The following KAZN variants were observed in gnomAD, a reference collection of about 807,000 sequenced individuals.
KAZN encodes the protein kazrin, periplakin interacting protein.
Under a neutral mutation model 87.4 loss-of-function variants are expected in KAZN, and 40 were observed. The observed-to-expected ratio is 0.46, with a 90% CI of 0.36 to 0.60. KAZN has a LOEUF of 0.60. KAZN is among the 20% of genes least tolerant of loss of function. KAZN has a pLI of 0.00. For synonymous variants in KAZN, 466 were observed against 458.3 expected (o/e 1.02, Z -0.22); for missense variants, 898 against 1,073.9 (o/e 0.84, Z 2.29).
At chr1:14,447,591 T>A (rs1667058165) in intron 2 of KAZN, among the ~76,000 whole-genome samples, 1 of 152,082 alleles carries the variant, frequency 6.6e-6, no homozygotes, top group East Asian at 1.9e-4. Flanking sequence ...GCAATGTCCA[T>A]CCTCTGCTTC....
At chr1:13,941,874 T>C (rs1012180134) in intron 1 of KAZN, among the ~76,000 whole-genome samples, 26 of 152,154 alleles carry the variant, frequency 1.7e-4, no homozygotes, top group African/African-American at 6.0e-4. Context: ...AATCCAATGA[T>C]GTTAGTCCAA....
At chr1:14,544,480 C>A (rs1190983512) in intron 2 of KAZN, among the ~76,000 whole-genome samples, 1 of 150,194 alleles carries the variant, frequency 6.7e-6, no homozygotes, top group African/African-American at 2.5e-5. Flanking sequence ...TAAAGATATG[C>A]AAAGGAGAAA....
At chr1:14,264,014 T>G (rs1651282512) in intron 2 of KAZN, among the ~76,000 whole-genome samples, 1 of 152,252 alleles carries the variant, frequency 6.6e-6, no homozygotes, top group Non-Finnish European at 1.5e-5. Flanking sequence ...TTTTTATTTT[T>G]AGTTTGCTGC....
chr1:14,859,522 G>A (rs1650588066), intron 1 of KAZN, among the ~76,000 whole-genome samples: 1 of 152,092 alleles, frequency 6.6e-6, no homozygotes, highest in African/African-American at 2.4e-5. Flanking sequence ...GTGGAGGGGA[G>A]GTATAGATCT....
chr1:14,906,991 C>T (rs951152230), intron 1 of KAZN, among the ~76,000 whole-genome samples: 2 of 152,016 alleles, frequency 1.3e-5, no homozygotes, highest in African/African-American at 4.8e-5. Context: ...CCTCTGACCT[C>T]GCTACTCAGG....
At chr1:15,079,721 G>A (rs746934342) in intron 8 of KAZN, among the ~76,000 whole-genome samples, 6 of 152,150 alleles carry the variant, frequency 3.9e-5, no homozygotes, top group Admixed American at 2.6e-4. Context: ...GAAGCCTGCC[G>A]GGAAAACATG....
intron 2 of KAZN, among the ~76,000 whole-genome samples, chr1:14,986,983 C>CG (rs36110514): frequency 0.35 from 52,633 of 151,950 alleles, 9,756 homozygotes; most frequent in South Asian, 0.63. Context: ...AATTGACCTC[C>CG]GATGCATGCC....
At chr1:14,650,411 CA>C (rs201178080) in intron 1 of KAZN, among the ~76,000 whole-genome samples, 16 of 152,006 alleles carry the variant, frequency 1.1e-4, no homozygotes, top group Non-Finnish European at 1.2e-4. Context: ...AAAAATTAGC[CA>C]GGCAGTTGTC....
At chr1:14,103,899 A>G (rs1277386619) in intron 1 of KAZN, among the ~76,000 whole-genome samples, 1 of 150,018 alleles carries the variant, frequency 6.7e-6, no homozygotes, top group Non-Finnish European at 1.5e-5. Flanking sequence ...CCCCAAACCT[A>G]GAGATCAACA....
intron 2 of KAZN, among the ~76,000 whole-genome samples, chr1:14,582,233 C>T (rs1013371256): frequency 1.3e-5 from 2 of 152,146 alleles, no homozygotes; most frequent in African/African-American, 4.8e-5. Context: ...GACAGGAACC[C>T]CAGCCAGGTC....
chr1:14,286,662 G>T (rs1342703817), intron 2 of KAZN, among the ~76,000 whole-genome samples: 1 of 152,142 alleles, frequency 6.6e-6, no homozygotes, highest in Admixed American at 6.5e-5. Context: ...CAGCTATGCA[G>T]CTTCCAGAAG....
rs186768003 is a variant in KAZN at position 14,684,257 on chromosome 1, G to A, written c.226+85034G>A. 1.9e-3 allele frequency among the ~76,000 whole-genome samples: 295 copies of A among 152,286 alleles called. 4 individuals are homozygous for A. The highest frequency in any genetic ancestry group is 0.012 in the Admixed American group (182 of 15,306). On this transcript the variant is annotated intron_variant, in intron 1 of 14. Coordinates refer to ENST00000376030, the MANE Select transcript of KAZN (RefSeq NM_201628.3). Reference sequence around the variant, plus strand: ...TGCAGGTTTACCTCGTGGAATCAGCGTTGGGGCTGTGGGCAGAGGATACTT... The same window carrying A: ...TGCAGGTTTACCTCGTGGAATCAGCATTGGGGCTGTGGGCAGAGGATACTT...
At position 14,951,913 on chromosome 1, in the gene KAZN, A is replaced by AG. The variant is rs147150490; in HGVS notation, c.227-8768dup. Among the ~76,000 whole-genome samples the AG allele has an allele frequency of 5.2e-3, 793 of 152,300 alleles. 8 individuals are homozygous for AG. The highest frequency in any genetic ancestry group is 0.018 in the African/African-American group (747 of 41,544). On this transcript the variant is annotated intron_variant, in intron 1 of 14. Coordinates refer to ENST00000376030, the MANE Select transcript of KAZN (RefSeq NM_201628.3). ...TCAATAATAGCAAGAGTGGTGGCCAAGGGAGCACTCACAACCTCCTAGGTG... is the reference window on the plus strand; with the variant it reads ...TCAATAATAGCAAGAGTGGTGGCCAAGGGGAGCACTCACAACCTCCTAGGTG...
intron 2 of KAZN, among the ~76,000 whole-genome samples, chr1:14,997,045 T>C (rs1410000758): frequency 6.6e-6 from 1 of 152,066 alleles, no homozygotes; most frequent in Non-Finnish European, 1.5e-5. Flanking sequence ...AGTTCCTGAC[T>C]TCTCCTCATC....
chr1:14,966,636 G>T (rs1174235052), intron 2 of KAZN, among the ~76,000 whole-genome samples: 1 of 152,088 alleles, frequency 6.6e-6, no homozygotes, highest in Non-Finnish European at 1.5e-5. Flanking sequence ...AAAATCCACT[G>T]GTCTAATTTG....
At chr1:14,891,308 C>G (rs112470646) in intron 1 of KAZN, among the ~76,000 whole-genome samples, 327 of 152,214 alleles carry the variant, frequency 2.1e-3, no homozygotes, top group African/African-American at 7.3e-3. Flanking sequence ...TCCCTCACCC[C>G]CTTCCCACCC....
chr1:14,074,372 C>G (rs771584385), intron 1 of KAZN, among the ~76,000 whole-genome samples: 7 of 152,208 alleles, frequency 4.6e-5, no homozygotes, highest in Non-Finnish European at 5.9e-5. Flanking sequence ...ATCCTAACCT[C>G]CATGCCCAAG....
At chr1:14,754,207 C>T (rs2100507924) in intron 1 of KAZN, among the ~76,000 whole-genome samples, 1 of 152,272 alleles carries the variant, frequency 6.6e-6, no homozygotes, top group South Asian at 2.1e-4. Context: ...GGGCTTTCTG[C>T]CCAGGGTGCT....
chr1:13,980,745 G>A (rs965503471), intron 1 of KAZN, among the ~76,000 whole-genome samples: 9 of 152,128 alleles, frequency 5.9e-5, no homozygotes, highest in African/African-American at 2.2e-4. Flanking sequence ...GATCTCTGAT[G>A]TGGTTGTAGT....
Sources: gnomAD v4.1 joint callset for allele counts (sites outside exome capture counted in the v4.1 genomes callset) on GRCh38, gnomAD v4.1.1 for gene constraint, MANE v1.5 for transcripts, NCBI Gene and HGNC (gene_info 2026-07-23, HGNC 2026-07-21) for gene names.